DOCK3: variants seen among roughly 807,000 people sequenced by gnomAD.
The protein encoded by DOCK3 is dedicator of cytokinesis 3.
DOCK3 carries 60 observed loss-of-function variants against 265.6 expected under a neutral mutation model. That is an observed-to-expected ratio of 0.23 (90% CI 0.18 to 0.28). DOCK3 has a LOEUF of 0.28. Among genes scored for constraint, DOCK3 ranks in the 10% least tolerant of loss-of-function variants. The pLI is 1.00. For missense variants in DOCK3, 1,981 were observed against 2,594.3 expected (o/e 0.76, Z 5.14); for synonymous variants, 881 against 938.0 (o/e 0.94, Z 1.11).
At chr3:51,308,761 G>A in intron 27 of DOCK3, among the ~76,000 whole-genome samples, 1 of 152,174 alleles carries the variant, frequency 6.6e-6, no homozygotes, top group Non-Finnish European at 1.5e-5. Flanking sequence ...GTGGTGGCCG[G>A]GCAGAGGGGC....
intron 12 of DOCK3, among the ~76,000 whole-genome samples, chr3:51,188,205 A>G (rs1017723042): frequency 2.0e-5 from 3 of 152,206 alleles, no homozygotes; most frequent in African/African-American, 4.8e-5. Context: ...TTGGAGGCAC[A>G]TTAGTACGAA....
chr3:50,711,655 T>G (rs1293402979), intron 1 of DOCK3, among the ~76,000 whole-genome samples: 1 of 152,166 alleles, frequency 6.6e-6, no homozygotes, highest in Non-Finnish European at 1.5e-5. Context: ...TTTGATGTCT[T>G]TGTCTTGTTC....
chr3:50,901,751 T>A, intron 4 of DOCK3: 1 of 450,416 alleles, frequency 2.2e-6, no homozygotes, highest in Non-Finnish European at 4.5e-6. Flanking sequence ...TTGCTCTTGC[T>A]GGGTGAGGCG....
intron 21 of DOCK3, among the ~76,000 whole-genome samples, chr3:51,239,744 A>G (rs2078523831): frequency 6.6e-6 from 1 of 152,036 alleles, no homozygotes; most frequent in South Asian, 2.1e-4. Context: ...ATGTGCATAA[A>G]GATGTTCATA....
chr3:51,354,857 G>T, intron 40 of DOCK3, 25 bp from the exon 41 acceptor site: 1 of 1,610,706 alleles, frequency 6.2e-7, no homozygotes, highest in South Asian at 1.1e-5. Context: ...AGCATACATA[G>T]AGTGTGCTCT....
chr3:51,070,321 C>T (rs2081806105), intron 6 of DOCK3, among the ~76,000 whole-genome samples: 1 of 152,118 alleles, frequency 6.6e-6, no homozygotes, highest in Non-Finnish European at 1.5e-5. Context: ...GCCATTATTA[C>T]TTATTATAAC....
At chr3:50,719,844 G>A in intron 1 of DOCK3, 2 of 732,028 alleles carry the variant, frequency 2.7e-6, no homozygotes, top group Admixed American at 1.8e-5. Context: ...ATAACCAAAT[G>A]CATTCTTTCC....
rs200276545 is a variant in DOCK3 at position 50,862,052 on chromosome 3, TAGC to T, written c.162+20340_162+20342del. Among the ~76,000 whole-genome samples the T allele has an allele frequency of 8.8e-3, 1,334 of 152,312 alleles. 26 individuals are homozygous for T. The highest frequency in any genetic ancestry group is 0.029 in the African/African-American group (1,189 of 41,564). ...TTTATACTTACATGCACTTTTATGG[TAGC>T]AGGTATCTTTCATTTTCATCTTTAG... is the stretch of plus-strand genomic sequence containing the variant. On this transcript the variant is annotated intron_variant, in intron 3 of 52. Transcript: ENST00000266037.
intron 1 of DOCK3, among the ~76,000 whole-genome samples, chr3:50,756,692 C>G (rs1399066617): frequency 1.3e-5 from 2 of 152,162 alleles, no homozygotes; most frequent in Admixed American, 6.5e-5. Context: ...AATGCATCCT[C>G]TCTTACACTT....
At chr3:51,351,084 T>G (rs1182683322) in intron 40 of DOCK3, among the ~76,000 whole-genome samples, 1 of 152,216 alleles carries the variant, frequency 6.6e-6, no homozygotes, top group African/African-American at 2.4e-5. Context: ...GTTGTGATTT[T>G]CTTATTTATT....
chr3:51,032,844 T>C (rs1310762333), intron 5 of DOCK3, among the ~76,000 whole-genome samples: 2 of 152,188 alleles, frequency 1.3e-5, no homozygotes, highest in Middle Eastern at 3.4e-3. Flanking sequence ...CCCAGGACTT[T>C]GAGGCAGCAA....
intron 4 of DOCK3, among the ~76,000 whole-genome samples, chr3:50,923,241 A>ATCTTT (rs2050593774): frequency 6.6e-6 from 1 of 152,200 alleles, no homozygotes; most frequent in Admixed American, 6.5e-5. Context: ...GTGTGCAAGC[A>ATCTTT]TCTTTTTTTG....
At chr3:50,966,397 A>G (rs2077032678) in intron 5 of DOCK3, among the ~76,000 whole-genome samples, 1 of 150,324 alleles carries the variant, frequency 6.7e-6, no homozygotes, top group South Asian at 2.1e-4. Context: ...ACTGTTTTTC[A>G]TAATGGCTAT....
intron 19 of DOCK3, among the ~76,000 whole-genome samples, chr3:51,233,157 A>G (rs1464805906): frequency 6.6e-6 from 1 of 152,102 alleles, no homozygotes; most frequent in Non-Finnish European, 1.5e-5. Flanking sequence ...TAATTCTGGG[A>G]AAAATTATGT....
chr3:51,235,254 C>G (rs566466047), intron 19 of DOCK3, among the ~76,000 whole-genome samples: 2 of 152,260 alleles, frequency 1.3e-5, no homozygotes, highest in Non-Finnish European at 2.9e-5. Flanking sequence ...AGTTTTGAAA[C>G]TTAAGATAAA....
At chr3:51,323,311 A>G (rs2083867137) in intron 32 of DOCK3, among the ~76,000 whole-genome samples, 1 of 152,184 alleles carries the variant, frequency 6.6e-6, no homozygotes, top group Non-Finnish European at 1.5e-5. Flanking sequence ...ACAGAAAATT[A>G]ACAAGGATAT....
intron 21 of DOCK3, among the ~76,000 whole-genome samples, chr3:51,246,217 A>G (rs2078833840): frequency 6.9e-6 from 1 of 145,326 alleles, no homozygotes; most frequent in Non-Finnish European, 1.5e-5. Flanking sequence ...CATCCAGTCC[A>G]GGTCTTTAGG....
chr3:51,127,236 C>T (rs543895660), intron 9 of DOCK3, among the ~76,000 whole-genome samples: 1 of 152,164 alleles, frequency 6.6e-6, no homozygotes, highest in South Asian at 2.1e-4. Flanking sequence ...GTCTGCCTTC[C>T]CCAGCCCTCT....
At chr3:51,021,552 C>G (rs1033237676) in intron 5 of DOCK3, among the ~76,000 whole-genome samples, 4 of 151,798 alleles carry the variant, frequency 2.6e-5, no homozygotes, top group African/African-American at 9.7e-5. Flanking sequence ...TATTTCTACC[C>G]AAATTTTAAA....
Sources: gnomAD v4.1 joint callset for allele counts (sites outside exome capture counted in the v4.1 genomes callset) on GRCh38, gnomAD v4.1.1 for gene constraint, MANE v1.5 for transcripts, NCBI Gene and HGNC (gene_info 2026-07-23, HGNC 2026-07-21) for gene names.